Variants in AGK observed in about 807,000 individuals in gnomAD.
The protein encoded by AGK is acylglycerol kinase, also known as acylglycerol kinase, mitochondrial.
In AGK, 52 loss-of-function variants were observed where a neutral mutation model predicts 66.4. That is an observed-to-expected ratio of 0.78 (90% CI 0.63 to 0.99). The LOEUF (loss-of-function observed/expected upper bound fraction) is 0.99, where lower values mean the gene tolerates loss of function less well. AGK is among the 50% of genes least tolerant of loss of function. The probability of loss-of-function intolerance (pLI) is 0.00; values close to 1 mark genes in which losing one functional copy is unlikely to be tolerated. For synonymous variants in AGK, 182 were observed against 181.1 expected (o/e 1.00, Z -0.04); for missense variants, 451 against 506.6 (o/e 0.89, Z 1.05).
chr7:141,653,163 G>A lies in AGK; in HGVS notation c.*239G>A, dbSNP rs1562988959. 1.1e-5 allele frequency: 5 copies of A among 476,048 alleles called. No individual in the cohort carries two copies. The highest frequency in any genetic ancestry group is 3.9e-5 in the African/African-American group (2 of 51,638). The allele number at this position is 476,048 out of a possible 1,614,324, so 29.5% of individuals were successfully genotyped here. Reference sequence around the variant, plus strand: ...TGTGACGGTTGGCCCTCCTAAACACGGACTTTCCTCAGGCTGGTTCAAGAC... The same window carrying A: ...TGTGACGGTTGGCCCTCCTAAACACAGACTTTCCTCAGGCTGGTTCAAGAC... On this transcript the variant is annotated 3_prime_UTR_variant, in exon 16 of 16. Transcript: ENST00000649286.
intron 2 of AGK, among the ~76,000 whole-genome samples, chr7:141,572,321 G>T (rs760664162): frequency 6.6e-6 from 1 of 152,234 alleles, no homozygotes; most frequent in Non-Finnish European, 1.5e-5. Flanking sequence ...AAACCAGAGT[G>T]ATGGCATTAG....
chr7:141,611,229 A>T lies in AGK; in HGVS notation c.332A>T (p.Glu111Val). 1 of 1,613,592 alleles carries T rather than the reference A, an allele frequency of 6.2e-7. No homozygotes were observed. The highest frequency in any genetic ancestry group is 8.5e-7 in the Non-Finnish European group (1 of 1,179,684). The change falls in exon 6 of 16, where the codon GAA (glutamate) becomes GTA (valine). Residue 111 changes from glutamate to valine, a missense_variant. Physicochemically the swap from Glu to Val is moderately radical, Grantham distance 121. Coordinates refer to ENST00000649286, the MANE Select transcript of AGK (RefSeq NM_018238.4). ...DYEGQAKKLL[E>V]LMENTDVIIV... ...GAGGGACAAGCCAAGAAACTCCTGG[A>T]ACTGATGGAAAACACGGATGTGATC...
chr7:141,571,979 C>T (rs1795617625), intron 2 of AGK, among the ~76,000 whole-genome samples: 1 of 152,116 alleles, frequency 6.6e-6, no homozygotes, highest in Admixed American at 6.5e-5. Context: ...ATGAGTTGGA[C>T]AGTGTTCTAG....
intron 2 of AGK, among the ~76,000 whole-genome samples, chr7:141,574,828 T>G (rs918141085): frequency 6.6e-6 from 1 of 152,128 alleles, no homozygotes. Flanking sequence ...AGAAGGGAAG[T>G]TGTGGTTTTG....
At chr7:141,570,588 A>G (rs577729611) in intron 2 of AGK, among the ~76,000 whole-genome samples, 1 of 152,192 alleles carries the variant, frequency 6.6e-6, no homozygotes, top group African/African-American at 2.4e-5. Context: ...TATAGCAGAT[A>G]TCAATATTTC....
intron 4 of AGK, among the ~76,000 whole-genome samples, chr7:141,597,884 C>T (rs1483791993): frequency 1.1e-5 from 1 of 92,570 alleles, no homozygotes; most frequent in Non-Finnish European, 1.9e-5. Context: ...GAGTGAGACT[C>T]TGTCTCAAAA....
intron 2 of AGK, among the ~76,000 whole-genome samples, chr7:141,559,161 C>G (rs1244166895): frequency 6.6e-6 from 1 of 152,106 alleles, no homozygotes; most frequent in East Asian, 1.9e-4. Context: ...TTTGCCTCTG[C>G]TTTTGGTGTT....
chr7:141,559,922 G>A (rs1162635288), intron 2 of AGK, among the ~76,000 whole-genome samples: 3 of 150,696 alleles, frequency 2.0e-5, no homozygotes, highest in African/African-American at 7.3e-5. Context: ...ACTGATTTTT[G>A]TGTGTTGTGT....
Position 141,591,085 on chromosome 7 carries a change from T to G in AGK, c.102-2061T>G, listed in dbSNP as rs1474883480. ...AGTAAAACATGGTTCTTAAGTTGTT[T>G]TTTTTTTTTTTTTTTTTTTTTTTTG... On this transcript the variant is annotated intron_variant, in intron 2 of 15. Coordinates refer to ENST00000649286, the MANE Select transcript of AGK (RefSeq NM_018238.4). 5.2e-5 allele frequency among the ~76,000 whole-genome samples: 6 copies of G among 116,002 alleles called. No individual in the cohort carries two copies. In the East Asian group the frequency reaches 6.8e-4, roughly 13 times the overall value. The allele number at this position is 116,002 out of a possible 152,430, so 76.1% of individuals were successfully genotyped here.
rs559541532 is a variant in AGK, at chr7:141,599,435, A to G, written c.222-1770A>G. On this transcript the variant is annotated intron_variant, in intron 4 of 15. Transcript: ENST00000649286. ...TTCTTATTAGTAACACTTGTTTTTC[A>G]ATCTTTTATATAGAAAATTAGAAGG... The G allele has an allele frequency of 1.3e-4, 20 of 152,226 alleles. No individual in the cohort carries two copies. The East Asian group carries it at 2.9e-3, about 22-fold the overall frequency. 9.4% of individuals were successfully genotyped at this position (152,226 alleles called of 1,614,324 possible).
At chr7:141,624,915 T>G (rs942926890) in intron 9 of AGK, among the ~76,000 whole-genome samples, 1 of 152,060 alleles carries the variant, frequency 6.6e-6, no homozygotes, top group Admixed American at 6.6e-5. Flanking sequence ...AAAGGATGAG[T>G]CAACAGACAT....
chr7:141,617,882 T>G (rs894624711), intron 8 of AGK, among the ~76,000 whole-genome samples: 5 of 152,184 alleles, frequency 3.3e-5, no homozygotes, highest in African/African-American at 1.2e-4. Flanking sequence ...AATTAATATA[T>G]TCATATCAAA....
At chr7:141,571,340 C>T (rs2116878169) in intron 2 of AGK, among the ~76,000 whole-genome samples, 1 of 152,288 alleles carries the variant, frequency 6.6e-6, no homozygotes, top group South Asian at 2.1e-4. Context: ...GCATAAGCAT[C>T]TCCTGGGAGC....
intron 9 of AGK, among the ~76,000 whole-genome samples, chr7:141,623,393 G>GAAAAAAAAAAAAAAAAAAAA: frequency 9.5e-6 from 1 of 104,802 alleles, no homozygotes; most frequent in Non-Finnish European, 2.1e-5. Context: ...AAAAAAAAAA[G>GAAAAAAAAAAAAAAAAAAAA]AAAAAAAAAA....
chr7:141,619,133 T>C (rs1035481443), intron 8 of AGK, among the ~76,000 whole-genome samples: 6 of 152,190 alleles, frequency 3.9e-5, no homozygotes, highest in Admixed American at 1.3e-4. Flanking sequence ...ACAACTGATC[T>C]ATAAATTCAA....
chr7:141,591,281 C>T (rs1309818995), intron 2 of AGK, among the ~76,000 whole-genome samples: 5 of 151,714 alleles, frequency 3.3e-5, no homozygotes, highest in South Asian at 2.1e-4. Context: ...TTAGTAGAGA[C>T]GGGGTCTCAC....
chr7:141,641,299 A>G lies in AGK; in HGVS notation c.778A>G (p.Arg260Gly). Residue 260 changes from arginine (R) to glycine (G), a missense_variant, in exon 12 of 16, where the codon AGA (arginine) becomes GGA (glycine). Transcript: ENST00000649286. ...TATCTCATACACGGGACCTACAGAG[A>G]GACCTCCCAATGAACCAGAGGAGAC... ...ASISYTGPTE[R>G]PPNEPEETPV... 1 of 1,613,970 alleles carries G rather than the reference A, an allele frequency of 6.2e-7. No individual in the cohort carries two copies. Among genetic ancestry groups the G allele is most frequent in the Non-Finnish European group, 8.5e-7 (1 of 1,179,924 alleles).
chr7:141,603,867 A>G (rs1796392756), intron 5 of AGK, among the ~76,000 whole-genome samples: 2 of 152,164 alleles, frequency 1.3e-5, no homozygotes, highest in Non-Finnish European at 2.9e-5. Context: ...TTATCCCTAA[A>G]TACTTTTATG....
chr7:141,636,069 G>C (rs1363966403), intron 10 of AGK, among the ~76,000 whole-genome samples: 2 of 152,146 alleles, frequency 1.3e-5, no homozygotes, highest in East Asian at 3.8e-4. Context: ...TTCCGATTAG[G>C]TGTCTTCCTC....
Sources: gnomAD v4.1 joint callset for allele counts (sites outside exome capture counted in the v4.1 genomes callset) on GRCh38, gnomAD v4.1.1 for gene constraint, MANE v1.5 for transcripts, NCBI Gene and HGNC (gene_info 2026-07-23, HGNC 2026-07-21) for gene names.